The following SNX30 variants were observed in gnomAD, a reference collection of about 807,000 sequenced individuals.
SNX30 encodes the protein sorting nexin family member 30.
A neutral mutation model predicts 46.4 loss-of-function variants in SNX30; 24 were observed. That is an observed-to-expected ratio of 0.52 (90% CI 0.37 to 0.73). The LOEUF is 0.73. Ranked by LOEUF, SNX30 falls within the 30% of genes least tolerant of loss-of-function variation. The pLI, the probability that SNX30 is intolerant of heterozygous loss-of-function variation, is 0.00. For missense variants in SNX30, 533 were observed against 555.7 expected (o/e 0.96, Z 0.41); for synonymous variants, 189 against 211.5 (o/e 0.89, Z 0.92).
At chr9:112,766,157 G>T (rs1056192557) in intron 1 of SNX30, among the ~76,000 whole-genome samples, 12 of 152,114 alleles carry the variant, frequency 7.9e-5, no homozygotes, top group African/African-American at 2.9e-4. Flanking sequence ...TCACCATGCC[G>T]TATATTAGGT....
intron 7 of SNX30, among the ~76,000 whole-genome samples, chr9:112,851,214 A>G (rs1322093227): frequency 3.9e-5 from 6 of 152,248 alleles, no homozygotes; most frequent in South Asian, 2.1e-4. Context: ...TCCTTGCTCC[A>G]TAAAATGGCA....
chr9:112,826,759 C>T (rs1046356553), intron 3 of SNX30, among the ~76,000 whole-genome samples: 3 of 151,976 alleles, frequency 2.0e-5, no homozygotes, highest in Non-Finnish European at 2.9e-5. Context: ...CTGCTTAGCA[C>T]GAAAAGCTGG....
At chr9:112,881,359 C>T (rs1037485338) in intron 5 of SNX30, 15 of 152,258 alleles carry the variant, frequency 9.9e-5, no homozygotes, top group Admixed American at 7.9e-4. Flanking sequence ...TTAGATTTCC[C>T]GCCTTCTATG....
chr9:112,861,995 G>A (rs1190076951), intron 7 of SNX30, among the ~76,000 whole-genome samples: 1 of 152,212 alleles, frequency 6.6e-6, no homozygotes, highest in Non-Finnish European at 1.5e-5. Flanking sequence ...TAGACTGTAG[G>A]TTACGGGAGA....
At chr9:112,865,661 A>ATATATGTGTGTGTGTG in intron 8 of SNX30, among the ~76,000 whole-genome samples, 4 of 105,702 alleles carry the variant, frequency 3.8e-5, no homozygotes, top group African/African-American at 1.5e-4. Context: ...ATATATATAT[A>ATATATGTGTGTGTGTG]TGTATGTATG....
intron 7 of SNX30, among the ~76,000 whole-genome samples, chr9:112,851,537 A>T (rs1181824506): frequency 6.6e-6 from 1 of 152,170 alleles, no homozygotes; most frequent in Non-Finnish European, 1.5e-5. Flanking sequence ...AGCAGCACTA[A>T]TCTTGCTTGT....
chr9:112,752,787 G>T (rs188892181), intron 1 of SNX30, among the ~76,000 whole-genome samples: 1 of 152,286 alleles, frequency 6.6e-6, no homozygotes, highest in Admixed American at 6.5e-5. Flanking sequence ...AGTGTCTGTG[G>T]GACAATCTGA....
intron 1 of SNX30, among the ~76,000 whole-genome samples, chr9:112,757,524 G>A (rs1243676265): frequency 6.6e-6 from 1 of 152,160 alleles, no homozygotes; most frequent in Admixed American, 6.5e-5. Context: ...CCCAGAAGAG[G>A]GATTGCTGGG....
intron 7 of SNX30, among the ~76,000 whole-genome samples, chr9:112,854,970 G>A (rs1207094725): frequency 3.3e-5 from 5 of 152,166 alleles, no homozygotes; most frequent in Non-Finnish European, 7.4e-5. Context: ...GAATGTGGGC[G>A]GAGAACTTTG....
intron 5 of SNX30, among the ~76,000 whole-genome samples, chr9:112,837,177 G>A (rs535139601): frequency 2.6e-5 from 4 of 152,202 alleles, no homozygotes; most frequent in Non-Finnish European, 5.9e-5. Flanking sequence ...CAAATGATGG[G>A]CCAGATTTTC....
intron 1 of SNX30, among the ~76,000 whole-genome samples, chr9:112,761,812 G>A (rs1367288218): frequency 2.6e-5 from 4 of 152,076 alleles, no homozygotes; most frequent in Non-Finnish European, 5.9e-5. Context: ...CAAACTTCAA[G>A]GCTCAAACAA....
chr9:112,811,103 G>T (rs956922733), intron 2 of SNX30, among the ~76,000 whole-genome samples: 1 of 152,232 alleles, frequency 6.6e-6, no homozygotes, highest in Non-Finnish European at 1.5e-5. Flanking sequence ...TTGGCAGAAA[G>T]ATCTGAGAGG....
intron 1 of SNX30, among the ~76,000 whole-genome samples, chr9:112,781,047 G>T (rs1839838425): frequency 6.6e-6 from 1 of 152,162 alleles, no homozygotes; most frequent in Admixed American, 6.6e-5. Context: ...TCCTTCCCTT[G>T]CTCTTTTGGC....
chr9:112,865,971 G>A (rs1378887731), intron 8 of SNX30, among the ~76,000 whole-genome samples: 4 of 151,952 alleles, frequency 2.6e-5, no homozygotes, highest in Admixed American at 2.6e-4. Flanking sequence ...TAATCCCAGC[G>A]TTCCTAAAGT....
At chr9:112,791,399 CTTTTTTTTTTTTTTTT>C (rs386415930) in intron 1 of SNX30, among the ~76,000 whole-genome samples, 8 of 67,478 alleles carry the variant, frequency 1.2e-4, no homozygotes, top group Admixed American at 2.6e-4. Context: ...TATTTAGGAA[CTTTTTTTTTTTTTTTT>C]TTTTTTTTTT....
chr9:112,825,562 A>G (rs2131435568), intron 3 of SNX30, among the ~76,000 whole-genome samples: 1 of 152,240 alleles, frequency 6.6e-6, no homozygotes, highest in Non-Finnish European at 1.5e-5. Flanking sequence ...CCAAAATGCT[A>G]GGATTATAGA....
At chr9:112,881,723 G>C (rs970492087), downstream of SNX30, 2 of 152,338 alleles carry the variant, frequency 1.3e-5, no homozygotes, top group East Asian at 3.9e-4. Flanking sequence ...TACAGGGAGA[G>C]CCAAATAGCC....
chr9:112,850,420 T>C (rs1841003976), intron 6 of SNX30, among the ~76,000 whole-genome samples: 1 of 152,208 alleles, frequency 6.6e-6, no homozygotes, highest in South Asian at 2.1e-4. Flanking sequence ...AGGGGTCCAG[T>C]CAGTGAATTA....
chr9:112,796,286 G>C (rs1840106013), intron 1 of SNX30, among the ~76,000 whole-genome samples: 1 of 152,214 alleles, frequency 6.6e-6, no homozygotes, highest in African/African-American at 2.4e-5. Flanking sequence ...TGTTAAGGGA[G>C]GGCCCCTGTG....
Sources: allele counts gnomAD v4.1 joint callset (sites outside exome capture counted in the v4.1 genomes callset), GRCh38; gene constraint gnomAD v4.1.1; transcripts MANE v1.5; gene names NCBI Gene and HGNC (gene_info 2026-07-23, HGNC 2026-07-21).